The following TENM2 variants were observed in gnomAD, a reference collection of about 807,000 sequenced individuals.
The protein encoded by TENM2 is teneurin transmembrane protein 2.
TENM2 carries 52 observed loss-of-function variants against 245.2 expected under a neutral mutation model. That is an observed-to-expected ratio of 0.21 (90% CI 0.17 to 0.27). The LOEUF is 0.27. TENM2 is among the 10% of genes least tolerant of loss of function. TENM2 has a pLI of 1.00. For missense variants in TENM2, 3,046 were observed against 3,666.8 expected, an observed-to-expected ratio of 0.83 and a Z score of 4.37; for synonymous variants, 1,363 against 1,438.9, an observed-to-expected ratio of 0.95 and a Z score of 1.19.
chr5:167,375,266 G>T, exon 2 of TENM2: 2 of 1,551,692 alleles, frequency 1.3e-6, no homozygotes, highest in Non-Finnish European at 1.7e-6. Context: ...CTACTGCTCC[G>T]ACATGGGGAT....
chr5:167,796,260 C>T (rs536141080), intron 2 of TENM2, among the ~76,000 whole-genome samples: 1 of 152,260 alleles, frequency 6.6e-6, no homozygotes, highest in South Asian at 2.1e-4. Context: ...GTTATCCTGC[C>T]TCTGACCCAA....
intron 3 of TENM2, among the ~76,000 whole-genome samples, chr5:167,929,728 C>G (rs376579685): frequency 3.9e-5 from 6 of 152,258 alleles, no homozygotes; most frequent in African/African-American, 1.4e-4. Context: ...AGAGATGTTC[C>G]TCAGTGATCT....
chr5:167,387,368 T>G (rs985114439), intron 2 of TENM2, among the ~76,000 whole-genome samples: 1 of 152,168 alleles, frequency 6.6e-6, no homozygotes, highest in Non-Finnish European at 1.5e-5. Context: ...ACACTAACTT[T>G]GTATCCGGAA....
chr5:168,045,694 C>A (rs908836760), intron 5 of TENM2, among the ~76,000 whole-genome samples: 4 of 152,194 alleles, frequency 2.6e-5, no homozygotes, highest in Non-Finnish European at 5.9e-5. Flanking sequence ...CCAAGGCGAG[C>A]TTCAATAACC....
Position 167,328,782 on chromosome 5 carries a change from T to A in TENM2, c.226+43719T>A, listed in dbSNP as rs73803149. ...GTGAGGTCTTCCCTAGTCACTTATTTCCTTATGTCCTGACCCTCCTTCTCG... is the reference window on the plus strand; with the variant it reads ...GTGAGGTCTTCCCTAGTCACTTATTACCTTATGTCCTGACCCTCCTTCTCG... On this transcript the variant is annotated intron_variant, in intron 1 of 28. Transcript: ENST00000518659. Among the ~76,000 whole-genome samples the A allele has an allele frequency of 1.4e-3, 208 of 152,328 alleles. 1 individual carries two copies. The highest frequency in any genetic ancestry group is 4.6e-3 in the African/African-American group (193 of 41,576).
At chr5:167,071,860 A>T in the TENM2 span, among the ~76,000 whole-genome samples, 431 of 148,740 alleles carry the variant, frequency 2.9e-3, 4 homozygotes, top group African/African-American at 8.9e-3. Context: ...CATTTTCCCT[A>T]TTGAATTTTG....
At chr5:168,190,734 C>T in intron 14 of TENM2, 187 bp downstream of exon 16, 1 of 539,234 alleles carries the variant, frequency 1.9e-6, no homozygotes, top group Non-Finnish European at 3.3e-6. Flanking sequence ...CAGAACAGAG[C>T]CCTAGTGTCT....
chr5:167,188,182 T>C, the TENM2 span, among the ~76,000 whole-genome samples: 2 of 152,138 alleles, frequency 1.3e-5, no homozygotes, highest in African/African-American at 2.4e-5. Context: ...ACCTACTATA[T>C]GACACATAAT....
chr5:167,329,835 C>T (rs1188692090), intron 1 of TENM2, among the ~76,000 whole-genome samples: 2 of 152,130 alleles, frequency 1.3e-5, no homozygotes, highest in East Asian at 3.9e-4. Context: ...GATTTAAAGA[C>T]ATTCTTTCTC....
intron 2 of TENM2, among the ~76,000 whole-genome samples, chr5:167,399,640 C>A (rs1230675123): frequency 1.3e-5 from 2 of 152,066 alleles, no homozygotes; most frequent in Admixed American, 1.3e-4. Context: ...CACTTCCTAG[C>A]TTTTGGGATG....
chr5:167,942,945 C>T (rs1026219520), intron 3 of TENM2, among the ~76,000 whole-genome samples: 2 of 152,056 alleles, frequency 1.3e-5, no homozygotes, highest in Non-Finnish European at 2.9e-5. Context: ...TGGGTGCGTA[C>T]GTGTGTGTAT....
the TENM2 span, among the ~76,000 whole-genome samples, chr5:167,073,893 T>C: frequency 6.6e-6 from 1 of 152,230 alleles, no homozygotes; most frequent in East Asian, 1.9e-4. Context: ...TCTGCTTTTA[T>C]GGTCCCTGAA....
exon 25 of TENM2, chr5:168,227,984 C>A: frequency 6.2e-7 from 1 of 1,613,710 alleles, no homozygotes; most frequent in Non-Finnish European, 8.5e-7. Flanking sequence ...CCACAGCGAG[C>A]CCCATGTCCT....
At chr5:168,175,279 AG>A (rs747948480) in intron 13 of TENM2, among the ~76,000 whole-genome samples, 1 of 152,200 alleles carries the variant, frequency 6.6e-6, no homozygotes. Context: ...GTGAGTTCAG[AG>A]ATTCTAAAAA....
intron 4 of TENM2, among the ~76,000 whole-genome samples, chr5:167,974,500 G>A (rs1782285067): frequency 1.3e-5 from 2 of 152,086 alleles, no homozygotes; most frequent in African/African-American, 4.8e-5. Context: ...CTTAAAGTAG[G>A]CAGTCTATGG....
At chr5:167,078,649 G>A in the TENM2 span, among the ~76,000 whole-genome samples, 5 of 152,072 alleles carry the variant, frequency 3.3e-5, no homozygotes, top group African/African-American at 7.2e-5. Flanking sequence ...CAAAATTAGC[G>A]AATACAGAAC....
At chr5:167,817,995 G>T (rs1387741106) in intron 2 of TENM2, among the ~76,000 whole-genome samples, 2 of 152,280 alleles carry the variant, frequency 1.3e-5, no homozygotes, top group East Asian at 3.9e-4. Flanking sequence ...AGATAAGAAG[G>T]ATGAAGATTC....
chr5:168,026,637 A>G (rs1786651158), intron 5 of TENM2, among the ~76,000 whole-genome samples: 1 of 152,182 alleles, frequency 6.6e-6, no homozygotes, highest in Non-Finnish European at 1.5e-5. Context: ...TCTACTTACC[A>G]GTGACAGGAG....
chr5:167,554,373 A>T (rs2127627733), intron 2 of TENM2, among the ~76,000 whole-genome samples: 1 of 152,332 alleles, frequency 6.6e-6, no homozygotes, highest in Non-Finnish European at 1.5e-5. Context: ...GATTATTTTC[A>T]TTCATTTTCT....
Sources: gnomAD v4.1 joint callset for allele counts (sites outside exome capture counted in the v4.1 genomes callset) on GRCh38, gnomAD v4.1.1 for gene constraint, MANE v1.5 for transcripts, NCBI Gene and HGNC (gene_info 2026-07-23, HGNC 2026-07-21) for gene names.